Variants in SRSF1 observed in about 807,000 individuals in gnomAD.
The protein encoded by SRSF1 is serine and arginine rich splicing factor 1, also known as serine/arginine-rich splicing factor 1.
In SRSF1, 1 loss-of-function variant was observed where a neutral mutation model predicts 25.9. The observed-to-expected ratio is 0.04, with a 90% CI of 0.01 to 0.18. The LOEUF (loss-of-function observed/expected upper bound fraction) is 0.18. Among genes scored for constraint, SRSF1 ranks in the 10% least tolerant of loss-of-function variants. The probability of loss-of-function intolerance (pLI) is 1.00; values close to 1 mark genes in which losing one functional copy is unlikely to be tolerated. For synonymous variants in SRSF1, 132 were observed against 126.2 expected, an observed-to-expected ratio of 1.05 and a Z score of -0.31; for missense variants, 65 against 350.5, an observed-to-expected ratio of 0.19 and a Z score of 6.50.
downstream of SRSF1, among the ~76,000 whole-genome samples, chr17:57,996,487 A>AAAAAAAC (rs1555574726): frequency 6.7e-6 from 1 of 150,152 alleles, no homozygotes; most frequent in South Asian, 2.1e-4. Flanking sequence ...CTGTCTTAAA[A>AAAAAAAC]AAAAAAAAAA....
chr17:57,999,770 T>A (rs2075379036), downstream of SRSF1, among the ~76,000 whole-genome samples: 1 of 152,156 alleles, frequency 6.6e-6, no homozygotes, highest in Admixed American at 6.6e-5. Context: ...ACAAAAAAAA[T>A]TAAGACCTAT....
the SRSF1 span, chr17:57,990,395 T>C: frequency 6.6e-6 from 1 of 151,604 alleles, no homozygotes; most frequent in African/African-American, 2.4e-5. Flanking sequence ...AAACATTCTT[T>C]AAAAAAAAAT....
chr17:58,007,036 G>A lies in SRSF1; in HGVS notation c.102C>T (p.Asp34=), dbSNP rs2075434929. The A allele has an allele frequency of 3.7e-6, 6 of 1,614,178 alleles. No individual in the cohort carries two copies. The highest frequency in any genetic ancestry group is 1.7e-4 in the Middle Eastern group (1 of 6,060). ...PPDIRTKDIE[D]VFYKYGAIRD... ...GGATAGCGCCGTATTTGTAGAACACGTCCTCAATGTCCTTGGTTCGGATGT... is the reference window on the plus strand; with the variant it reads ...GGATAGCGCCGTATTTGTAGAACACATCCTCAATGTCCTTGGTTCGGATGT... Residue 34 remains aspartate, a synonymous_variant, in exon 1 of 4, where the codon GAC becomes GAT. Transcript: ENST00000258962.
chr17:57,989,443 A>G, the SRSF1 span: 1 of 397,696 alleles, frequency 2.5e-6, no homozygotes, highest in East Asian at 3.6e-5. Context: ...TTCCAAAACC[A>G]ACTGAATCTT....
At chr17:57,989,421 G>T in the SRSF1 span, 1 of 397,714 alleles carries the variant, frequency 2.5e-6, no homozygotes, top group African/African-American at 2.1e-5. Context: ...ATTATTTTAA[G>T]ACTTTAACAT....
At chr17:58,006,605 C>T in intron 1 of SRSF1, 78 bp from the exon 2 acceptor site, 1 of 1,468,178 alleles carries the variant, frequency 6.8e-7, no homozygotes, top group South Asian at 1.3e-5. Flanking sequence ...AGCAAACCCC[C>T]CGCACATGCG....
chr17:57,996,489 A>AAAAAAC (rs2075365448), downstream of SRSF1, among the ~76,000 whole-genome samples: 3 of 150,554 alleles, frequency 2.0e-5, no homozygotes, highest in Non-Finnish European at 4.4e-5. Flanking sequence ...GTCTTAAAAA[A>AAAAAAC]AAAAAAAAAA....
chr17:58,005,714 C>A lies in SRSF1; in HGVS notation c.552+87G>T, dbSNP rs371619540. On this transcript the variant is annotated intron_variant, in intron 3 of 3. Coordinates refer to ENST00000258962, the MANE Select transcript of SRSF1 (RefSeq NM_006924.5). The surrounding 1 kb of genome is among the most constrained non-coding windows in gnomAD (Gnocchi z 5.2). ...GAAATCTGGCAATTTACTTGGACAA[C>A]CTTGCCTGAATCCTTACCTTGAAAT... is the stretch of plus-strand genomic sequence containing the variant. 19 of 1,610,210 alleles carry A rather than the reference C, an allele frequency of 1.2e-5. No individual in the cohort carries two copies. Among genetic ancestry groups the A allele is most frequent in the Middle Eastern group, 1.7e-4 (1 of 6,048 alleles).
chr17:58,005,088 A>T lies in SRSF1; in HGVS notation c.*318T>A. On this transcript the variant is annotated 3_prime_UTR_variant, in exon 4 of 4. Coordinates refer to ENST00000258962, the MANE Select transcript of SRSF1 (RefSeq NM_006924.5). This position sits in a 1 kb window ranked among gnomAD's most constrained non-coding sequence, Gnocchi z 5.2. Reference sequence around the variant, plus strand: ...GCAAGATAAACATAAGAACTTCCCCAGGTAAGATAACCACAAACACCCCCA... The same window carrying T: ...GCAAGATAAACATAAGAACTTCCCCTGGTAAGATAACCACAAACACCCCCA... 1 of 460,352 alleles carries T rather than the reference A, an allele frequency of 2.2e-6. No individual in the cohort carries two copies. Among genetic ancestry groups the T allele is most frequent in the Non-Finnish European group, 3.8e-6 (1 of 262,490 alleles). The allele number at this position is 460,352 out of a possible 1,614,324, so 28.5% of individuals were successfully genotyped here.
At chr17:58,006,075 G>T in intron 2 of SRSF1, 102 bp from the exon 3 acceptor site, 1 of 1,080,838 alleles carries the variant, frequency 9.3e-7, no homozygotes, top group Non-Finnish European at 1.3e-6. Context: ...TACTTAATAG[G>T]TGTACTTAAG....
In SRSF1 at chr17:58,004,715, G is replaced by A. The variant is rs932530344; in HGVS notation, c.*691C>T. On this transcript the variant is annotated 3_prime_UTR_variant, in exon 4 of 4. Transcript: ENST00000258962. ...TATTAAAACAAAAATGGGGGGAAGG[G>A]AGCAAAATAAGTTGCTACAAAATGG... 1 of 349,056 alleles carries A rather than the reference G, an allele frequency of 2.9e-6. No homozygotes were observed. The highest frequency in any genetic ancestry group is 5.1e-6 in the Non-Finnish European group (1 of 194,786). 21.6% of individuals were successfully genotyped at this position (349,056 alleles called of 1,614,324 possible).
chr17:57,995,251 A>G, the SRSF1 span, among the ~76,000 whole-genome samples: 1 of 152,230 alleles, frequency 6.6e-6, no homozygotes, highest in East Asian at 1.9e-4. Context: ...ATACAAATTT[A>G]AGTGTATACT....
chr17:57,989,561 C>T, the SRSF1 span: 1 of 397,728 alleles, frequency 2.5e-6, no homozygotes, highest in African/African-American at 2.1e-5. Context: ...TAATAGAAAA[C>T]CAAGGAGATA....
chr17:58,005,653 C>T lies in SRSF1; in HGVS notation c.553-53G>A. 6.2e-7 allele frequency: 1 copy of T among 1,610,128 alleles called. No homozygotes were observed. The highest frequency in any genetic ancestry group is 2.2e-5 in the East Asian group (1 of 44,822). On this transcript the variant is annotated intron_variant, in intron 3 of 3. Coordinates refer to ENST00000258962, the MANE Select transcript of SRSF1 (RefSeq NM_006924.5). The surrounding 1 kb of genome is among the most constrained non-coding windows in gnomAD (Gnocchi z 5.2). ...AAAGATCTAAGCTTTCATCTATCTT[C>T]AGACATGCTGAATGAATACAATGTA...
rs1159336557 is a variant in SRSF1 at position 58,003,822 on chromosome 17, T to C, written c.*1584A>G. 1 of 152,520 alleles carries C rather than the reference T, an allele frequency of 6.6e-6. No individual in the cohort carries two copies. Among genetic ancestry groups the C allele is most frequent in the Non-Finnish European group, 1.5e-5 (1 of 68,000 alleles). 9.4% of individuals were successfully genotyped at this position (152,520 alleles called of 1,614,324 possible). A position where few individuals can be genotyped will look rare whatever the true frequency, so the allele number is the denominator to read the frequency against. Reference sequence around the variant, plus strand: ...CTTTGGAATAGCCAATTAAGTTGAATAAAAAAATCCACACGAATGCGGTTT... The same window carrying C: ...CTTTGGAATAGCCAATTAAGTTGAACAAAAAAATCCACACGAATGCGGTTT... On this transcript the variant is annotated 3_prime_UTR_variant, in exon 4 of 4. Coordinates refer to ENST00000258962, the MANE Select transcript of SRSF1 (RefSeq NM_006924.5).
chr17:57,996,370 G>A (rs2075364676), downstream of SRSF1, among the ~76,000 whole-genome samples: 1 of 151,094 alleles, frequency 6.6e-6, no homozygotes, highest in African/African-American at 2.4e-5. Context: ...TGTAATCCCT[G>A]CTACTTGGGA....
rs2075396661 is a variant in SRSF1, at chr17:58,002,251, GTACT to G, written c.*3151_*3154del. Among the ~76,000 whole-genome samples, 2 of 152,140 alleles carry G rather than the reference GTACT, an allele frequency of 1.3e-5. No homozygotes were observed. Among genetic ancestry groups the G allele is most frequent in the South Asian group, 4.1e-4 (2 of 4,832 alleles). ...AGCTACATCCTTAAACTTACACTAA[GTACT>G]TAGTGAAATTCTGCATTCAACTTAA... is the stretch of plus-strand genomic sequence containing the variant. On this transcript the variant is annotated 3_prime_UTR_variant, in exon 4 of 4. Coordinates refer to ENST00000258962, the MANE Select transcript of SRSF1 (RefSeq NM_006924.5).
rs140558395 is a variant in SRSF1, at chr17:58,007,194, G to C, written c.-57C>G. ...GGCCTTCCCACCAAGCCTAGCGCAC[G>C]GCAGAGCGAGCCCGCAGCGGCACCA... On this transcript the variant is annotated 5_prime_UTR_variant, in exon 1 of 4. Transcript: ENST00000258962. 9.4e-6 allele frequency: 15 copies of C among 1,592,378 alleles called. No homozygotes were observed. The highest frequency in any genetic ancestry group is 1.1e-5 in the Non-Finnish European group (13 of 1,167,032).
downstream of SRSF1, among the ~76,000 whole-genome samples, chr17:57,997,666 TAC>T (rs1317567922): frequency 6.6e-6 from 1 of 152,120 alleles, no homozygotes; most frequent in Non-Finnish European, 1.5e-5. Context: ...TGAATTTGGG[TAC>T]AGACAAAAAT....
Sources: allele counts gnomAD v4.1 joint callset (sites outside exome capture counted in the v4.1 genomes callset), GRCh38; gene constraint gnomAD v4.1.1; non-coding constraint Gnocchi (gnomAD v3.1); transcripts MANE v1.5; gene names NCBI Gene and HGNC (gene_info 2026-07-23, HGNC 2026-07-21).